The following AKAP12 variants were observed in gnomAD, a reference collection of about 807,000 sequenced individuals.
AKAP12 encodes the protein A-kinase anchor protein 12.
AKAP12 carries 32 observed loss-of-function variants against 79.9 expected under a neutral mutation model. The observed-to-expected ratio is 0.40, with a 90% CI of 0.30 to 0.54. AKAP12 has a LOEUF of 0.54. AKAP12 is among the 20% of genes least tolerant of loss of function. The pLI, the probability that AKAP12 is intolerant of heterozygous loss-of-function variation, is 0.48. For synonymous variants in AKAP12, 808 were observed against 857.0 expected (o/e 0.94, Z 1.00); for missense variants, 2,074 against 2,177.0 (o/e 0.95, Z 0.94).
At position 151,351,289 on chromosome 6, in the gene AKAP12, T is replaced by C. The variant is rs1351268840; in HGVS notation, c.2898T>C (p.Val966=). 6.2e-7 allele frequency: 1 copy of C among 1,614,130 alleles called. No individual in the cohort carries two copies. Among genetic ancestry groups the C allele is most frequent in the Admixed American group, 1.7e-5 (1 of 60,024 alleles). ...GAGAGGCCCGGGGCGACACGGTCGT[T>C]AGTGAGGCGGAATTGACCCCCGAAG... ...ENREARGDTV[V]SEAELTPEAV... is the part of the protein sequence containing the mutation. The change falls in exon 4 of 5, where the codon GTT becomes GTC. Residue 966 remains valine (V), a synonymous_variant. Transcript: ENST00000402676. This position sits in a 1 kb window ranked among gnomAD's most constrained non-coding sequence, Gnocchi z 4.4.
chr6:151,325,706 T>G lies in AKAP12; in HGVS notation c.319+19803T>G, dbSNP rs533012293. 112 of 1,472,578 alleles carry G rather than the reference T, an allele frequency of 7.6e-5. 1 individual carries two copies. The highest frequency in any genetic ancestry group is 4.2e-5 in the African/African-American group (3 of 70,902). The allele number at this position is 1,472,578 out of a possible 1,614,324, so 91.2% of individuals were successfully genotyped here. On this transcript the variant is annotated intron_variant, in intron 3 of 4. Transcript: ENST00000402676. Reference sequence around the variant, plus strand: ...TCGCTGCGGCAGCTCCGAGGGCACCTCCGGTTCTCCCCCATCCTCCGGGAG... The same window carrying G: ...TCGCTGCGGCAGCTCCGAGGGCACCGCCGGTTCTCCCCCATCCTCCGGGAG...
chr6:151,296,734 G>A (rs1776735421), intron 2 of AKAP12, among the ~76,000 whole-genome samples: 1 of 152,166 alleles, frequency 6.6e-6, no homozygotes, highest in Admixed American at 6.5e-5. Flanking sequence ...CCGAGATCAC[G>A]CCACTGCACT....
chr6:151,272,589 G>A (rs1184585194), intron 2 of AKAP12, among the ~76,000 whole-genome samples: 4 of 151,906 alleles, frequency 2.6e-5, no homozygotes, highest in African/African-American at 4.8e-5. Flanking sequence ...GTATGATCTC[G>A]GCTCACTGCA....
chr6:151,304,804 C>T (rs1272042189), intron 2 of AKAP12, among the ~76,000 whole-genome samples: 5 of 151,926 alleles, frequency 3.3e-5, no homozygotes, highest in African/African-American at 4.8e-5. Context: ...GTCTTGAACT[C>T]CTCGTGATCT....
At chr6:151,317,792 TC>T (rs1777268741) in intron 3 of AKAP12, among the ~76,000 whole-genome samples, 1 of 152,188 alleles carries the variant, frequency 6.6e-6, no homozygotes. Flanking sequence ...CCTGGAATGA[TC>T]AGTCACCCTT....
rs1338272944 is a variant in AKAP12, at chr6:151,350,988, A to G, written c.2597A>G (p.Gln866Arg). 1.2e-6 allele frequency: 2 copies of G among 1,614,040 alleles called. No individual in the cohort carries two copies. The highest frequency in any genetic ancestry group is 1.7e-5 in the Admixed American group (1 of 59,984). The change falls in exon 4 of 5, where the codon CAA becomes CGA. Residue 866 changes from glutamine to arginine, a missense_variant. Transcript: ENST00000402676. The surrounding 1 kb of genome is among the most constrained non-coding windows in gnomAD (Gnocchi z 4.8). Reference sequence around the variant, plus strand: ...GAGAAAATGGAGGCACAGCAAGCCCAAAAAAGCGCAGAGCAGCCCGAGCAG... The same window carrying G: ...GAGAAAATGGAGGCACAGCAAGCCCGAAAAAGCGCAGAGCAGCCCGAGCAG... ...EREKMEAQQAQKSAEQPEQKA... is the reference protein window; with the variant it reads ...EREKMEAQQARKSAEQPEQKA...
intron 2 of AKAP12, among the ~76,000 whole-genome samples, chr6:151,287,660 T>G (rs1235086834): frequency 6.6e-6 from 1 of 152,220 alleles, no homozygotes; most frequent in African/African-American, 2.4e-5. Context: ...GTGTGGCGAT[T>G]CCTCAAGGAT....
At chr6:151,305,186 TA>T (rs1284129667) in intron 2 of AKAP12, among the ~76,000 whole-genome samples, 17 of 145,860 alleles carry the variant, frequency 1.2e-4, no homozygotes, top group African/African-American at 3.3e-4. Flanking sequence ...TTTTTTTTTT[TA>T]AAACCTACTT....
At chr6:151,241,470 A>G (rs2114670679) in intron 2 of AKAP12, among the ~76,000 whole-genome samples, 1 of 152,326 alleles carries the variant, frequency 6.6e-6, no homozygotes, top group South Asian at 2.1e-4. Flanking sequence ...AGAAGTTCTC[A>G]AAGGATGGGG....
At chr6:151,304,920 A>G (rs1293366498) in intron 2 of AKAP12, among the ~76,000 whole-genome samples, 4 of 152,150 alleles carry the variant, frequency 2.6e-5, no homozygotes, top group African/African-American at 7.2e-5. Flanking sequence ...AGGGCATCCT[A>G]TGGGGAGGAT....
chr6:151,302,204 G>GT (rs748038626), intron 2 of AKAP12, among the ~76,000 whole-genome samples: 110 of 151,892 alleles, frequency 7.2e-4, no homozygotes, highest in Non-Finnish European at 2.4e-4. Context: ...TAGAGACGGG[G>GT]TTTCACCATG....
chr6:151,325,535 G>T (rs1777500441), intron 3 of AKAP12: 2 of 985,328 alleles, frequency 2.0e-6, no homozygotes, highest in Non-Finnish European at 2.4e-6. Flanking sequence ...CTGCTTGTGC[G>T]GCCCGGGCGG....
chr6:151,323,946 G>C (rs951493479), intron 3 of AKAP12: 1 of 985,190 alleles, frequency 1.0e-6, no homozygotes, highest in Non-Finnish European at 1.2e-6. Flanking sequence ...CTGGGGAAGG[G>C]ACTTATTAAT....
chr6:151,287,085 GCC>G (rs1776520623), intron 2 of AKAP12, among the ~76,000 whole-genome samples: 1 of 151,206 alleles, frequency 6.6e-6, no homozygotes, highest in Non-Finnish European at 1.5e-5. Flanking sequence ...GACTACAGGC[GCC>G]CGCCACCATG....
chr6:151,340,185 G>A (rs1777912997), intron 3 of AKAP12, among the ~76,000 whole-genome samples: 1 of 151,106 alleles, frequency 6.6e-6, no homozygotes, highest in South Asian at 2.1e-4. Context: ...CACCCACCTC[G>A]GCCTCCCAAA....
chr6:151,276,641 A>G (rs942890318), intron 2 of AKAP12, among the ~76,000 whole-genome samples: 3 of 152,252 alleles, frequency 2.0e-5, no homozygotes, highest in Non-Finnish European at 2.9e-5. Flanking sequence ...GCCTCGCACA[A>G]AGAGAAGCCA....
intron 2 of AKAP12, among the ~76,000 whole-genome samples, chr6:151,251,185 C>G (rs892083123): frequency 4.6e-5 from 7 of 152,102 alleles, no homozygotes. Context: ...GTTGGTAGTT[C>G]TTAAGGAAAC....
chr6:151,244,576 C>T (rs979009938), intron 2 of AKAP12, among the ~76,000 whole-genome samples: 2 of 152,144 alleles, frequency 1.3e-5, no homozygotes, highest in Admixed American at 6.5e-5. Flanking sequence ...CGGCCAGCTG[C>T]ATTTCATAAT....
At chr6:151,306,270 C>T (rs570240494) in intron 3 of AKAP12, among the ~76,000 whole-genome samples, 6 of 152,122 alleles carry the variant, frequency 3.9e-5, no homozygotes, top group African/African-American at 1.4e-4. Flanking sequence ...TTCTGATAGG[C>T]GCATTGCAAG....
Sources: allele counts gnomAD v4.1 joint callset (sites outside exome capture counted in the v4.1 genomes callset), GRCh38; gene constraint gnomAD v4.1.1; non-coding constraint Gnocchi (gnomAD v3.1); transcripts MANE v1.5; gene names NCBI Gene and HGNC (gene_info 2026-07-23, HGNC 2026-07-21).